The following LINGO2 variants were observed in gnomAD, a reference collection of about 807,000 sequenced individuals.
The protein encoded by LINGO2 is leucine-rich repeat and immunoglobulin-like domain-containing nogo receptor-interacting protein 2.
LINGO2 carries 14 observed loss-of-function variants against 30.6 expected under a neutral mutation model. That is an observed-to-expected ratio of 0.46 (90% CI 0.30 to 0.72). LINGO2 has a LOEUF of 0.72. LINGO2 is among the 30% of genes least tolerant of loss of function. The probability of loss-of-function intolerance (pLI) is 0.07; values close to 1 mark genes in which losing one functional copy is unlikely to be tolerated. For synonymous variants in LINGO2, 317 were observed against 288.5 expected (o/e 1.10, Z -1.00); for missense variants, 729 against 751.7 (o/e 0.97, Z 0.35).
the LINGO2 span, among the ~76,000 whole-genome samples, chr9:29,189,909 G>A: frequency 6.6e-6 from 1 of 151,646 alleles, no homozygotes; most frequent in Non-Finnish European, 1.5e-5. Context: ...GCACTCAGCA[G>A]GCTGAGGCAG....
intron 1 of LINGO2, among the ~76,000 whole-genome samples, chr9:28,659,183 A>G (rs551349339): frequency 1.3e-5 from 2 of 152,286 alleles, no homozygotes; most frequent in East Asian, 3.9e-4. Flanking sequence ...CTGGGTTTCC[A>G]GAAGAAAAGA....
At chr9:28,847,272 A>G in the LINGO2 span, among the ~76,000 whole-genome samples, 1 of 148,004 alleles carries the variant, frequency 6.8e-6, no homozygotes, top group African/African-American at 2.5e-5. Context: ...TTTATTATCA[A>G]TATTATAACA....
At chr9:29,159,170 A>T in the LINGO2 span, among the ~76,000 whole-genome samples, 31 of 152,190 alleles carry the variant, frequency 2.0e-4, no homozygotes, top group African/African-American at 7.5e-4. Context: ...TACACAAAAA[A>T]GATGGACTGG....
At chr9:27,980,665 C>A (rs1820810664) in intron 5 of LINGO2, among the ~76,000 whole-genome samples, 1 of 151,912 alleles carries the variant, frequency 6.6e-6, no homozygotes. Flanking sequence ...CTGTTCATTT[C>A]TGGTCCTCAG....
At chr9:29,154,172 C>G in the LINGO2 span, among the ~76,000 whole-genome samples, 5 of 152,186 alleles carry the variant, frequency 3.3e-5, no homozygotes, top group African/African-American at 1.2e-4. Context: ...GGGCCAGGCA[C>G]GGTGGCTCAC....
chr9:28,636,402 G>T (rs1827276722), intron 1 of LINGO2, among the ~76,000 whole-genome samples: 1 of 152,144 alleles, frequency 6.6e-6, no homozygotes, highest in South Asian at 2.1e-4. Context: ...TCGCCACACT[G>T]ACTTCCACAA....
chr9:28,646,269 C>G (rs1300367503), intron 1 of LINGO2, among the ~76,000 whole-genome samples: 1 of 152,056 alleles, frequency 6.6e-6, no homozygotes, highest in East Asian at 1.9e-4. Flanking sequence ...ATCCAGAACT[C>G]TATATCTCTG....
chr9:28,554,985 G>A (rs1279010776), intron 1 of LINGO2, among the ~76,000 whole-genome samples: 161 of 131,984 alleles, frequency 1.2e-3, no homozygotes, highest in African/African-American at 4.4e-3. Flanking sequence ...TCTCTGGGAC[G>A]CATTCAAAGC....
chr9:28,807,606 G>A, the LINGO2 span, among the ~76,000 whole-genome samples: 378 of 152,248 alleles, frequency 2.5e-3, 3 homozygotes, highest in Admixed American at 0.023. Flanking sequence ...ATTTAAAATA[G>A]AAGTTTTAAG....
intron 1 of LINGO2, among the ~76,000 whole-genome samples, chr9:28,626,422 T>G (rs1257831246): frequency 6.6e-6 from 1 of 152,140 alleles, no homozygotes; most frequent in Non-Finnish European, 1.5e-5. Context: ...AATGTGTCAA[T>G]ATGTTTCCTT....
chr9:28,006,532 C>T (rs1400474037), intron 5 of LINGO2, among the ~76,000 whole-genome samples: 1 of 152,092 alleles, frequency 6.6e-6, no homozygotes, highest in Admixed American at 6.6e-5. Flanking sequence ...AGAAGCTCAA[C>T]TCCAGGGACA....
At chr9:28,804,756 T>C in the LINGO2 span, among the ~76,000 whole-genome samples, 2 of 152,088 alleles carry the variant, frequency 1.3e-5, no homozygotes, top group Non-Finnish European at 2.9e-5. Context: ...TTCTAGATCA[T>C]TAAGTCAAAT....
the LINGO2 span, among the ~76,000 whole-genome samples, chr9:28,819,492 G>A: frequency 6.6e-6 from 1 of 152,088 alleles, no homozygotes; most frequent in Admixed American, 6.5e-5. Flanking sequence ...CTTAAATTGT[G>A]TTATATTTAT....
chr9:28,337,600 T>C (rs137886042), intron 3 of LINGO2, among the ~76,000 whole-genome samples: 325 of 152,286 alleles, frequency 2.1e-3, no homozygotes, highest in Non-Finnish European at 2.7e-3. Context: ...TGGTTTCCTA[T>C]GCCTGGTCTA....
At chr9:28,871,377 T>C in the LINGO2 span, among the ~76,000 whole-genome samples, 12 of 129,398 alleles carry the variant, frequency 9.3e-5, no homozygotes, top group Admixed American at 2.5e-4. Context: ...AGAACACACA[T>C]ACCAACTTCT....
intron 1 of LINGO2, among the ~76,000 whole-genome samples, chr9:28,567,350 T>C (rs1240967106): frequency 1.3e-5 from 2 of 152,252 alleles, no homozygotes; most frequent in East Asian, 3.9e-4. Context: ...ACTCAATATG[T>C]TTATCATAGC....
intron 2 of LINGO2, among the ~76,000 whole-genome samples, chr9:28,467,042 G>T (rs1046815370): frequency 5.3e-5 from 8 of 150,190 alleles, no homozygotes; most frequent in Admixed American, 1.3e-4. Context: ...TTTTGGGGGG[G>T]GGGGACGGAG....
At chr9:28,961,867 T>A in the LINGO2 span, among the ~76,000 whole-genome samples, 2 of 152,158 alleles carry the variant, frequency 1.3e-5, no homozygotes, top group Middle Eastern at 3.2e-3. Context: ...TCTGTTTTGT[T>A]CTATAAACCA....
At chr9:28,032,092 C>T (rs746811231) in intron 4 of LINGO2, among the ~76,000 whole-genome samples, 1 of 151,498 alleles carries the variant, frequency 6.6e-6, no homozygotes. Context: ...AACCGCAGAG[C>T]TGGGGGGAAA....
Sources: gnomAD v4.1 joint callset for allele counts (sites outside exome capture counted in the v4.1 genomes callset) on GRCh38, gnomAD v4.1.1 for gene constraint, MANE v1.5 for transcripts, NCBI Gene and HGNC (gene_info 2026-07-23, HGNC 2026-07-21) for gene names.